Variants in ACSL3 observed in about 807,000 individuals in gnomAD.
ACSL3 encodes the protein fatty acid CoA ligase Acsl3.
In ACSL3, 34 loss-of-function variants were observed where a neutral mutation model predicts 84.7. That is an observed-to-expected ratio of 0.40 (90% CI 0.31 to 0.53). The LOEUF (loss-of-function observed/expected upper bound fraction) is 0.53, where lower values mean the gene tolerates loss of function less well. ACSL3 is among the 20% of genes least tolerant of loss of function. The pLI, the probability that ACSL3 is intolerant of heterozygous loss-of-function variation, is 0.48. For synonymous variants in ACSL3, 315 were observed against 299.4 expected, an observed-to-expected ratio of 1.05 and a Z score of -0.54; for missense variants, 680 against 873.1, an observed-to-expected ratio of 0.78 and a Z score of 2.79.
At chr2:222,900,418 C>T (rs1194859387) in intron 2 of ACSL3, among the ~76,000 whole-genome samples, 1 of 152,184 alleles carries the variant, frequency 6.6e-6, no homozygotes, top group East Asian at 1.9e-4. Context: ...TCTCATCCTT[C>T]TCTTTATGGC....
In ACSL3 at chr2:222,923,167, TTTAATA is replaced by T; in HGVS notation, c.1152+21_1152+26del. On this transcript the variant is annotated intron_variant, in intron 10 of 16. Transcript: ENST00000357430. The stretch of plus-strand genomic sequence containing the variant: ...CAGTTCCGGTAAGAAGTGACCCTTA[TTTAATA>T]TTGAGTATTAAAGAAGTATCACCCG... 2 of 1,599,806 alleles carry T rather than the reference TTTAATA, an allele frequency of 1.3e-6. No homozygotes were observed. Among genetic ancestry groups the T allele is most frequent in the Non-Finnish European group, 1.7e-6 (2 of 1,167,152 alleles).
intron 1 of ACSL3, among the ~76,000 whole-genome samples, chr2:222,872,564 G>A (rs1003486695): frequency 6.6e-6 from 1 of 152,182 alleles, no homozygotes. Context: ...TGGACACCAA[G>A]GATAGAATGA....
intron 1 of ACSL3, among the ~76,000 whole-genome samples, chr2:222,887,415 A>G (rs78837104): frequency 0.079 from 12,066 of 152,192 alleles, 578 homozygotes; most frequent in Middle Eastern, 0.15. Flanking sequence ...TTGTAGACAT[A>G]TTTTCAACTC....
intron 13 of ACSL3, 112 bp downstream of exon 13, chr2:222,929,048 C>G: frequency 1.3e-6 from 1 of 771,656 alleles, no homozygotes; most frequent in East Asian, 2.7e-5. Flanking sequence ...TCATTTTTGT[C>G]CTTTGTGATA....
intron 3 of ACSL3, chr2:222,904,835 A>G (rs1432180516): frequency 6.5e-6 from 1 of 155,010 alleles, no homozygotes; most frequent in Non-Finnish European, 1.5e-5. Flanking sequence ...AGTTCACTCT[A>G]CTGCCTGCTT....
At chr2:222,878,752 G>T (rs1477985251) in intron 1 of ACSL3, among the ~76,000 whole-genome samples, 1 of 152,030 alleles carries the variant, frequency 6.6e-6, no homozygotes, top group African/African-American at 2.4e-5. Flanking sequence ...ATTTGTGTCT[G>T]TTCTTCTTGT....
At position 222,944,272 on chromosome 2, in the gene ACSL3, A is replaced by G. The variant is rs1167701494; in HGVS notation, c.*2618A>G. The G allele has an allele frequency of 6.6e-6, 1 of 152,168 alleles. No individual in the cohort carries two copies. Among genetic ancestry groups the G allele is most frequent in the Admixed American group, 6.5e-5 (1 of 15,268 alleles). The allele number at this position is 152,168 out of a possible 1,614,324, so 9.4% of individuals were successfully genotyped here. A position where few individuals can be genotyped will look rare whatever the true frequency, so the allele number is the denominator to read the frequency against. ...TGGAATAACTTACTTGTTTGCTGCT[A>G]AAATACTCAAGATTTTGCCATTTTT... On this transcript the variant is annotated 3_prime_UTR_variant, in exon 17 of 17. Coordinates refer to ENST00000357430, the MANE Select transcript of ACSL3 (RefSeq NM_004457.5).
At chr2:222,920,377 A>G (rs1696700398) in intron 7 of ACSL3, among the ~76,000 whole-genome samples, 1 of 152,094 alleles carries the variant, frequency 6.6e-6, no homozygotes, top group African/African-American at 2.4e-5. Flanking sequence ...ACCATGACCT[A>G]TTTCTCTTTG....
chr2:222,871,093 G>A lies in ACSL3; in HGVS notation c.-207+9835G>A, dbSNP rs565080159. Among the ~76,000 whole-genome samples the A allele has an allele frequency of 3.3e-5, 5 of 152,262 alleles. No individual in the cohort carries two copies. The East Asian group carries it at 9.7e-4, about 29-fold the overall frequency. On this transcript the variant is annotated intron_variant, in intron 1 of 16. Transcript: ENST00000357430. ...TAAAGTAACACGTGAGAAAGGGCAG[G>A]AGGCAGGGGATGACAGAGGAAGCAG...
At chr2:222,906,692 G>A (rs1443541293) in intron 3 of ACSL3, among the ~76,000 whole-genome samples, 1 of 151,376 alleles carries the variant, frequency 6.6e-6, no homozygotes, top group Non-Finnish European at 1.5e-5. Context: ...TCTGCTCACT[G>A]CAATCTCCGC....
At chr2:222,902,262 G>T (rs1270387420) in intron 3 of ACSL3, among the ~76,000 whole-genome samples, 1 of 152,066 alleles carries the variant, frequency 6.6e-6, no homozygotes, top group Non-Finnish European at 1.5e-5. Flanking sequence ...ATTACATAAA[G>T]ACATTGATGT....
At chr2:222,884,573 A>G (rs1014206869) in intron 1 of ACSL3, among the ~76,000 whole-genome samples, 1 of 152,138 alleles carries the variant, frequency 6.6e-6, no homozygotes, top group African/African-American at 2.4e-5. Context: ...CAGCATCTTC[A>G]AATCTCTCTG....
In ACSL3 at chr2:222,933,284, A is replaced by G; in HGVS notation, c.1847+4A>G. On this transcript the variant is annotated splice_donor_region_variant and intron_variant, in intron 15 of 16. Transcript: ENST00000357430. ...ACATTTGTGCATATGCAAACAGGTA[A>G]GAACGTGGAATTCATACTACTTTTA... 4 of 1,590,462 alleles carry G rather than the reference A, an allele frequency of 2.5e-6. No homozygotes were observed. Among genetic ancestry groups the G allele is most frequent in the Non-Finnish European group, 2.6e-6 (3 of 1,161,270 alleles).
chr2:222,882,694 G>A (rs1695618790), intron 1 of ACSL3, among the ~76,000 whole-genome samples: 2 of 151,082 alleles, frequency 1.3e-5, no homozygotes, highest in African/African-American at 4.9e-5. Context: ...CCTGGGGGTT[G>A]AGAATTCCTG....
chr2:222,937,892 T>C (rs369922250), intron 16 of ACSL3, among the ~76,000 whole-genome samples: 41 of 152,104 alleles, frequency 2.7e-4, no homozygotes, highest in African/African-American at 9.7e-4. Flanking sequence ...TCTTTTGTTT[T>C]GTTGATTTTT....
intron 11 of ACSL3, among the ~76,000 whole-genome samples, chr2:222,925,278 TG>T (rs1696848896): frequency 6.7e-6 from 1 of 149,254 alleles, no homozygotes; most frequent in Non-Finnish European, 1.5e-5. Flanking sequence ...AGGCAGAGGT[TG>T]CAGTGAGCCG....
chr2:222,877,241 G>C (rs940394294), intron 1 of ACSL3, among the ~76,000 whole-genome samples: 26 of 152,202 alleles, frequency 1.7e-4, no homozygotes, highest in Non-Finnish European at 2.9e-4. Flanking sequence ...AATAGGACTG[G>C]TTATGGTTAA....
intron 4 of ACSL3, among the ~76,000 whole-genome samples, chr2:222,913,675 T>C (rs1208632772): frequency 6.6e-6 from 1 of 152,174 alleles, no homozygotes; most frequent in Non-Finnish European, 1.5e-5. Context: ...CTTACTCACC[T>C]GCTTAATAAG....
chr2:222,937,373 ATTGT>A (rs1697200565), intron 16 of ACSL3, among the ~76,000 whole-genome samples: 1 of 151,852 alleles, frequency 6.6e-6, no homozygotes, highest in South Asian at 2.1e-4. Flanking sequence ...TGATCTTCTG[ATTGT>A]TCTATTCATA....
Sources: allele counts gnomAD v4.1 joint callset (sites outside exome capture counted in the v4.1 genomes callset), GRCh38; gene constraint gnomAD v4.1.1; transcripts MANE v1.5; gene names NCBI Gene and HGNC (gene_info 2026-07-23, HGNC 2026-07-21).